Variants in ZNF423 observed in about 807,000 individuals in gnomAD.
ZNF423 encodes zinc finger protein 423, also known as Ebf-associated zinc finger protein.
A neutral mutation model predicts 95.8 loss-of-function variants in ZNF423; 12 were observed. That is an observed-to-expected ratio of 0.13 (90% CI 0.08 to 0.20). ZNF423 has a LOEUF of 0.20. Among genes scored for constraint, ZNF423 ranks in the 10% least tolerant of loss-of-function variants. The pLI, the probability that ZNF423 is intolerant of heterozygous loss-of-function variation, is 1.00. For missense variants in ZNF423, 1,316 were observed against 1,737.1 expected, an observed-to-expected ratio of 0.76 and a Z score of 4.31; for synonymous variants, 749 against 711.9, an observed-to-expected ratio of 1.05 and a Z score of -0.83.
intron 5 of ZNF423, among the ~76,000 whole-genome samples, chr16:49,536,455 T>C (rs1280562950): frequency 3.3e-5 from 5 of 151,542 alleles, no homozygotes; most frequent in Non-Finnish European, 7.4e-5. Context: ...TTTTTGGTTT[T>C]TTTTCTGGGA....
Position 49,636,875 on chromosome 16 carries a change from G to C in ZNF423, c.2301C>G (p.Phe767Leu), listed in dbSNP as rs138951619. The change falls in exon 4 of 8, where the codon TTC becomes TTG. Residue 767 changes from phenylalanine (F) to leucine (L), a missense_variant. By Grantham distance (22) the Phe-to-Leu change is conservative. Coordinates refer to ENST00000563137, the MANE Select transcript of ZNF423 (RefSeq NM_001379286.1). The surrounding 1 kb of genome is among the most constrained non-coding windows in gnomAD (Gnocchi z 8.6). ...GCACCTGCAGGTCAGCCTCCTTGCG[G>C]AAGTCCCAGTTGCAGGCCGTGCAGC... ...MYRCTACNWD[F>L]RKEADLQVHV... 1.2e-6 allele frequency: 2 copies of C among 1,613,926 alleles called. No individual in the cohort carries two copies. The highest frequency in any genetic ancestry group is 2.7e-5 in the African/African-American group (2 of 74,946).
At chr16:49,554,432 C>T (rs1969752661) in intron 5 of ZNF423, among the ~76,000 whole-genome samples, 1 of 152,162 alleles carries the variant, frequency 6.6e-6, no homozygotes, top group Admixed American at 6.5e-5. Context: ...CCTAAACAAT[C>T]TGGCCGAACA....
intron 3 of ZNF423, among the ~76,000 whole-genome samples, chr16:49,724,288 C>T (rs1022966149): frequency 6.6e-6 from 1 of 152,188 alleles, no homozygotes; most frequent in Non-Finnish European, 1.5e-5. Flanking sequence ...CCATTTCTTG[C>T]TCTGTGTTTC....
chr16:49,592,001 A>T (rs898655040), intron 5 of ZNF423, among the ~76,000 whole-genome samples: 2 of 152,264 alleles, frequency 1.3e-5, no homozygotes, highest in Non-Finnish European at 2.9e-5. Context: ...TCAGCAAGCT[A>T]TCTGCTGCTT....
chr16:49,833,657 C>T (rs372636349), intron 1 of ZNF423, among the ~76,000 whole-genome samples: 142 of 148,332 alleles, frequency 9.6e-4, no homozygotes, highest in African/African-American at 3.2e-3. Flanking sequence ...TCCCAGAAGA[C>T]GGACAGATGT....
intron 5 of ZNF423, among the ~76,000 whole-genome samples, chr16:49,555,745 T>A (rs34950598): frequency 4.6e-5 from 7 of 152,000 alleles, no homozygotes; most frequent in Non-Finnish European, 1.0e-4. Flanking sequence ...GAAGGATAAG[T>A]GTATGGGTGA....
intron 7 of ZNF423, among the ~76,000 whole-genome samples, chr16:49,500,510 AC>A (rs1967352966): frequency 6.6e-6 from 1 of 152,088 alleles, no homozygotes; most frequent in African/African-American, 2.4e-5. Flanking sequence ...CCTGAATCAG[AC>A]CCCTAAAAGA....
At chr16:49,670,887 C>G (rs28409311) in intron 3 of ZNF423, among the ~76,000 whole-genome samples, 23,576 of 152,180 alleles carry the variant, frequency 0.15, 2,194 homozygotes, top group South Asian at 0.3. Context: ...CTTTAAAAAG[C>G]TGGTATGATG....
chr16:49,731,361 G>T, intron 2 of ZNF423: 1 of 985,380 alleles, frequency 1.0e-6, no homozygotes, highest in Non-Finnish European at 1.2e-6. Context: ...CCACAGCCTT[G>T]CAATTTAGAG....
intron 3 of ZNF423, among the ~76,000 whole-genome samples, chr16:49,689,741 G>A (rs2031708368): frequency 6.6e-6 from 1 of 152,166 alleles, no homozygotes; most frequent in Non-Finnish European, 1.5e-5. Flanking sequence ...ACTTTACCAA[G>A]GTCAGGAACA....
chr16:49,635,528 G>A lies in ZNF423; in HGVS notation c.3516+132C>T. On this transcript the variant is annotated intron_variant, in intron 4 of 7. Transcript: ENST00000563137. This position sits in a 1 kb window ranked among gnomAD's most constrained non-coding sequence, Gnocchi z 4.8. Reference sequence around the variant, plus strand: ...TCAAACTCAAGGAGTCTACAGCACAGCAGTTCTGTTTTGCCACTGCGCGAT... The same window carrying A: ...TCAAACTCAAGGAGTCTACAGCACAACAGTTCTGTTTTGCCACTGCGCGAT... The A allele has an allele frequency of 8.4e-7, 1 of 1,184,790 alleles. No individual in the cohort carries two copies. The highest frequency in any genetic ancestry group is 1.9e-5 in the South Asian group (1 of 53,894). 73.4% of individuals were successfully genotyped at this position (1,184,790 alleles called of 1,614,324 possible).
At chr16:49,595,129 G>A (rs535092788) in intron 5 of ZNF423, among the ~76,000 whole-genome samples, 3 of 152,336 alleles carry the variant, frequency 2.0e-5, no homozygotes, top group African/African-American at 4.8e-5. Context: ...GGCAGGGAGT[G>A]CTGCTGAGGT....
chr16:49,705,401 T>C (rs766558819), intron 3 of ZNF423, among the ~76,000 whole-genome samples: 2 of 152,150 alleles, frequency 1.3e-5, no homozygotes, highest in East Asian at 3.9e-4. Context: ...TTACAACCTA[T>C]GGGTAAACAA....
intron 5 of ZNF423, among the ~76,000 whole-genome samples, chr16:49,593,499 G>A (rs1971083480): frequency 7.0e-6 from 1 of 142,378 alleles, no homozygotes; most frequent in Non-Finnish European, 1.6e-5. Context: ...TCTCACCCCT[G>A]CCTCTCCCGC....
chr16:49,712,795 A>G (rs1166669861), intron 3 of ZNF423, among the ~76,000 whole-genome samples: 1 of 152,244 alleles, frequency 6.6e-6, no homozygotes, highest in Non-Finnish European at 1.5e-5. Flanking sequence ...TGATGGAAAT[A>G]CATAATGAAC....
chr16:49,772,378 C>G (rs949573518), intron 2 of ZNF423, among the ~76,000 whole-genome samples: 1 of 152,200 alleles, frequency 6.6e-6, no homozygotes, highest in African/African-American at 2.4e-5. Context: ...CATCTCTTCC[C>G]GAAATACCTG....
intron 1 of ZNF423, among the ~76,000 whole-genome samples, chr16:49,843,364 ATCTCCTAGACTAATGG>A (rs1356930019): frequency 6.6e-6 from 1 of 152,218 alleles, no homozygotes; most frequent in East Asian, 1.9e-4. Context: ...TCTAGGTGCT[ATCTCCTAGACTAATGG>A]TTCCTAACCC....
At chr16:49,812,765 G>C (rs1032788072) in intron 1 of ZNF423, among the ~76,000 whole-genome samples, 4 of 152,196 alleles carry the variant, frequency 2.6e-5, no homozygotes, top group African/African-American at 9.6e-5. Flanking sequence ...TCTGGAAAGT[G>C]AGAAAGGGTG....
intron 1 of ZNF423, among the ~76,000 whole-genome samples, chr16:49,826,182 A>G (rs1253058083): frequency 6.6e-6 from 1 of 152,248 alleles, no homozygotes; most frequent in African/African-American, 2.4e-5. Context: ...ACTGCACTCC[A>G]GCCTGAGTGA....
Sources: gnomAD v4.1 joint callset for allele counts (sites outside exome capture counted in the v4.1 genomes callset) on GRCh38, gnomAD v4.1.1 for gene constraint, Gnocchi (gnomAD v3.1) non-coding constraint, MANE v1.5 for transcripts, NCBI Gene and HGNC (gene_info 2026-07-23, HGNC 2026-07-21) for gene names.